The following SGMS2 variants were observed in gnomAD, a reference collection of about 807,000 sequenced individuals.
The protein encoded by SGMS2 is sphingomyelin synthase 2.
A neutral mutation model predicts 43.8 loss-of-function variants in SGMS2; 21 were observed. That is an observed-to-expected ratio of 0.48 (90% CI 0.34 to 0.69). The LOEUF (loss-of-function observed/expected upper bound fraction) is 0.69, where lower values mean the gene tolerates loss of function less well. SGMS2 is among the 30% of genes least tolerant of loss of function. SGMS2 has a pLI of 0.01. For synonymous variants in SGMS2, 167 were observed against 160.6 expected, an observed-to-expected ratio of 1.04 and a Z score of -0.30; for missense variants, 384 against 443.2, an observed-to-expected ratio of 0.87 and a Z score of 1.20.
chr4:107,851,392 A>C (rs942756778), intron 1 of SGMS2, among the ~76,000 whole-genome samples: 1 of 152,202 alleles, frequency 6.6e-6, no homozygotes, highest in Non-Finnish European at 1.5e-5. Flanking sequence ...AGAGGAAAAT[A>C]AAAACTAGAG....
At chr4:107,908,759 T>C (rs1180898275) in intron 6 of SGMS2, 28 bp downstream of exon 6, 1 of 1,596,518 alleles carries the variant, frequency 6.3e-7, no homozygotes, top group South Asian at 1.1e-5. Context: ...GCTTGGATAA[T>C]TTCTTTTCTT....
intron 2 of SGMS2, among the ~76,000 whole-genome samples, chr4:107,890,260 AAGGAACCCC>A (rs1306635049): frequency 1.3e-5 from 2 of 152,150 alleles, no homozygotes; most frequent in Non-Finnish European, 2.9e-5. Flanking sequence ...CATTTTCTTT[AAGGAACCCC>A]AGGCTATTAT....
At chr4:107,825,420 A>G (rs1418406820) in intron 1 of SGMS2, among the ~76,000 whole-genome samples, 167 bp downstream of exon 1, 1 of 147,644 alleles carries the variant, frequency 6.8e-6, no homozygotes, top group Non-Finnish European at 1.5e-5. Flanking sequence ...TGGAGGAGAG[A>G]TGTGTGCCTT....
intron 5 of SGMS2, chr4:107,907,394 C>T (rs1689806361): frequency 6.6e-6 from 1 of 152,190 alleles, no homozygotes. Flanking sequence ...GGCAGGTCAC[C>T]TGAGGTCAGG....
chr4:107,869,595 G>A (rs1209438298), intron 2 of SGMS2, among the ~76,000 whole-genome samples: 1 of 152,094 alleles, frequency 6.6e-6, no homozygotes, highest in Non-Finnish European at 1.5e-5. Flanking sequence ...TTGGATAAAG[G>A]TGACCTGACT....
At chr4:107,863,772 C>A (rs987219876) in intron 2 of SGMS2, 17 of 152,052 alleles carry the variant, frequency 1.1e-4, no homozygotes, top group African/African-American at 4.1e-4. Flanking sequence ...AATGCAGTCA[C>A]AAAAAGTAAA....
intron 2 of SGMS2, among the ~76,000 whole-genome samples, chr4:107,863,202 A>C (rs1443524334): frequency 6.6e-6 from 1 of 152,182 alleles, no homozygotes; most frequent in Admixed American, 6.5e-5. Flanking sequence ...AGAAAATCAC[A>C]ACATAGCATG....
chr4:107,904,703 G>A (rs1397642287), intron 5 of SGMS2, among the ~76,000 whole-genome samples: 1 of 152,008 alleles, frequency 6.6e-6, no homozygotes, highest in Non-Finnish European at 1.5e-5. Flanking sequence ...TGGTGGAGTG[G>A]GTCCTGGATC....
chr4:107,831,224 C>T (rs1483818289), intron 1 of SGMS2, among the ~76,000 whole-genome samples: 2 of 152,084 alleles, frequency 1.3e-5, no homozygotes, highest in Admixed American at 6.5e-5. Flanking sequence ...CTAGCTTCAG[C>T]GATATGTTGG....
intron 1 of SGMS2, among the ~76,000 whole-genome samples, chr4:107,825,806 A>T (rs1392044378): frequency 6.6e-6 from 1 of 152,062 alleles, no homozygotes; most frequent in Non-Finnish European, 1.5e-5. Flanking sequence ...ACATCCATCC[A>T]GAGGTATGGA....
At chr4:107,852,956 G>C (rs1487405639) in intron 1 of SGMS2, among the ~76,000 whole-genome samples, 1 of 152,040 alleles carries the variant, frequency 6.6e-6, no homozygotes, top group Non-Finnish European at 1.5e-5. Flanking sequence ...TTTCTCACTG[G>C]TAAGGTTAAA....
intron 4 of SGMS2, 109 bp from the exon 5 acceptor site, chr4:107,903,124 A>G: frequency 9.2e-7 from 1 of 1,086,410 alleles, no homozygotes; most frequent in Non-Finnish European, 1.4e-6. Flanking sequence ...TAGGTTAAAA[A>G]GAAAAAAAAA....
rs147305851 is a variant in SGMS2 at position 107,914,742 on chromosome 4, T to C, written c.*4189T>C. On this transcript the variant is annotated 3_prime_UTR_variant, in exon 7 of 7. Transcript: ENST00000690982. ...GTACCTTAATCATTGGTTTATCACA[T>C]TGGATTCAAATTCAGGTTCCTTTTT... is the stretch of plus-strand genomic sequence containing the variant. 7.9e-5 allele frequency: 12 copies of C among 152,282 alleles called. No individual in the cohort carries two copies. Among genetic ancestry groups the C allele is most frequent in the Non-Finnish European group, 1.3e-4 (9 of 67,988 alleles). 9.4% of individuals were successfully genotyped at this position (152,282 alleles called of 1,614,324 possible).
At chr4:107,910,032 T>A (rs1323125744) in intron 6 of SGMS2, among the ~76,000 whole-genome samples, 1 of 152,144 alleles carries the variant, frequency 6.6e-6, no homozygotes, top group East Asian at 1.9e-4. Flanking sequence ...TTGACTTGCT[T>A]GGCCCCTAGA....
intron 2 of SGMS2, among the ~76,000 whole-genome samples, chr4:107,878,077 G>A (rs954293321): frequency 9.2e-5 from 14 of 151,666 alleles, no homozygotes; most frequent in Middle Eastern, 3.2e-3. Flanking sequence ...CACCATGCCC[G>A]GCTAACTTTT....
chr4:107,892,679 A>G (rs1328005580), intron 2 of SGMS2, among the ~76,000 whole-genome samples: 1 of 152,140 alleles, frequency 6.6e-6, no homozygotes, highest in East Asian at 1.9e-4. Context: ...GGGACAACTC[A>G]AAGTGGGGAG....
intron 5 of SGMS2, among the ~76,000 whole-genome samples, chr4:107,904,137 A>G (rs1180559416): frequency 1.3e-5 from 2 of 152,034 alleles, no homozygotes; most frequent in Admixed American, 1.3e-4. Flanking sequence ...GAGGATTTGT[A>G]TATTTAGGCC....
At chr4:107,856,024 T>G (rs1476247233) in intron 1 of SGMS2, among the ~76,000 whole-genome samples, 5 of 152,122 alleles carry the variant, frequency 3.3e-5, no homozygotes, top group African/African-American at 1.2e-4. Flanking sequence ...AGCTTTGCTG[T>G]CTCTGCAGTG....
intron 2 of SGMS2, among the ~76,000 whole-genome samples, chr4:107,859,064 A>C (rs1727586759): frequency 6.6e-6 from 1 of 152,236 alleles, no homozygotes; most frequent in Admixed American, 6.5e-5. Context: ...CCACTGAGGA[A>C]GAAGAGGTTT....
Sources: allele counts gnomAD v4.1 joint callset (sites outside exome capture counted in the v4.1 genomes callset), GRCh38; gene constraint gnomAD v4.1.1; transcripts MANE v1.5; gene names NCBI Gene and HGNC (gene_info 2026-07-23, HGNC 2026-07-21).